The following PTBP2 variants were observed in gnomAD, a reference collection of about 807,000 sequenced individuals.
PTBP2 encodes polypyrimidine tract binding protein 2.
In PTBP2, 13 loss-of-function variants were observed where a neutral mutation model predicts 61.4. That is an observed-to-expected ratio of 0.21 (90% CI 0.14 to 0.34). The LOEUF (loss-of-function observed/expected upper bound fraction) is 0.34, where lower values mean the gene tolerates loss of function less well. Among genes scored for constraint, PTBP2 ranks in the 10% least tolerant of loss-of-function variants. PTBP2 has a pLI of 1.00. For synonymous variants in PTBP2, 215 were observed against 218.5 expected, an observed-to-expected ratio of 0.98 and a Z score of 0.14; for missense variants, 405 against 642.6, an observed-to-expected ratio of 0.63 and a Z score of 4.00.
rs537543296 is a variant in PTBP2 at position 96,803,625 on chromosome 1, CA to C, written c.905-1173del. ...AATATTAAAGAGCGCTTCAGATTGC[CA>C]ATGAAAGGTCATAGTAGTTTCTATA... On this transcript the variant is annotated intron_variant, in intron 8 of 13. Transcript: ENST00000674951. 1.6e-3 allele frequency among the ~76,000 whole-genome samples: 243 copies of C among 152,148 alleles called. 2 individuals are homozygous for C. The highest frequency in any genetic ancestry group is 2.3e-3 in the Non-Finnish European group (157 of 67,974).
chr1:96,773,856 G>A (rs1484561112), intron 5 of PTBP2, among the ~76,000 whole-genome samples: 5 of 151,250 alleles, frequency 3.3e-5, no homozygotes, highest in Non-Finnish European at 1.5e-5. Flanking sequence ...CCAGCTACTC[G>A]GGAGGCTGAG....
intron 2 of PTBP2, among the ~76,000 whole-genome samples, chr1:96,733,370 G>A (rs769933422): frequency 1.3e-5 from 2 of 152,156 alleles, no homozygotes; most frequent in Non-Finnish European, 2.9e-5. Flanking sequence ...ACTGAAACAA[G>A]TTTTAACCTA....
intron 11 of PTBP2, among the ~76,000 whole-genome samples, chr1:96,808,492 A>G (rs1201679470): frequency 1.3e-5 from 2 of 152,196 alleles, no homozygotes; most frequent in South Asian, 4.1e-4. Flanking sequence ...CTTAATGACC[A>G]CATTTAACCT....
chr1:96,726,733 A>G (rs572326545), intron 2 of PTBP2, among the ~76,000 whole-genome samples: 4 of 152,006 alleles, frequency 2.6e-5, no homozygotes, highest in Admixed American at 2.0e-4. Context: ...CACCGCGCCT[A>G]GCCAAAATGC....
intron 12 of PTBP2, 41 bp from the exon 13 acceptor site, chr1:96,812,988 A>G: frequency 6.3e-7 from 1 of 1,594,864 alleles, no homozygotes; most frequent in South Asian, 1.1e-5. Context: ...TATGAAATTT[A>G]TTCTTAATCT....
chr1:96,803,589 T>G, intron 8 of PTBP2, among the ~76,000 whole-genome samples: 1 of 152,066 alleles, frequency 6.6e-6, no homozygotes, highest in East Asian at 1.9e-4. Flanking sequence ...AAACTTAGGT[T>G]AAGGTTTGTG....
chr1:96,763,003 T>TCA (rs1377761744), intron 3 of PTBP2, among the ~76,000 whole-genome samples: 1 of 151,128 alleles, frequency 6.6e-6, no homozygotes, highest in Admixed American at 6.6e-5. Flanking sequence ...GAGACGCTCC[T>TCA]CACTTCCTAG....
chr1:96,770,595 T>A, intron 4 of PTBP2, 113 bp from the exon 5 acceptor site: 5 of 972,726 alleles, frequency 5.1e-6, no homozygotes, highest in Non-Finnish European at 6.1e-6. Context: ...CATTTAAAAG[T>A]AACCTGAAGG....
intron 3 of PTBP2, among the ~76,000 whole-genome samples, chr1:96,767,930 C>T (rs948710618): frequency 6.6e-6 from 1 of 152,094 alleles, no homozygotes; most frequent in Non-Finnish European, 1.5e-5. Context: ...CCAGAGCTTA[C>T]TCTTCTGTAC....
intron 8 of PTBP2, among the ~76,000 whole-genome samples, chr1:96,803,368 A>G (rs1053315069): frequency 5.3e-5 from 8 of 152,064 alleles, no homozygotes; most frequent in Non-Finnish European, 7.4e-5. Flanking sequence ...TATGTTGGAA[A>G]TCTTCCAAAA....
downstream of PTBP2, chr1:96,818,159 CTT>C (rs544761123): frequency 1.2e-4 from 19 of 152,216 alleles, no homozygotes; most frequent in Non-Finnish European, 2.5e-4. Flanking sequence ...CTTCCTCCCT[CTT>C]TGGCTCCCAT....
intron 2 of PTBP2, among the ~76,000 whole-genome samples, chr1:96,730,854 G>GTT (rs2100805597): frequency 6.6e-6 from 1 of 152,288 alleles, no homozygotes; most frequent in East Asian, 1.9e-4. Flanking sequence ...GGACTCATTT[G>GTT]TTTTCTAACT....
chr1:96,739,719 C>T (rs1376469653), intron 2 of PTBP2, among the ~76,000 whole-genome samples: 6 of 150,174 alleles, frequency 4.0e-5, no homozygotes, highest in African/African-American at 1.2e-4. Flanking sequence ...CTCCACCACC[C>T]GGGTTCACGC....
exon 14 of PTBP2, chr1:96,821,299 A>T (rs1662675336): frequency 6.6e-6 from 1 of 152,150 alleles, no homozygotes; most frequent in Non-Finnish European, 1.5e-5. Flanking sequence ...CAGTGTATAT[A>T]TGAGATTAAT....
rs576579887 is a variant in PTBP2 at position 96,762,056 on chromosome 1, G to A, written c.116-7647G>A. Reference sequence around the variant, plus strand: ...TGTTTCAGAGAGCACAGGGTTGGGGGTAAGGTCACAGATCAACAGGATAAG... The same window carrying A: ...TGTTTCAGAGAGCACAGGGTTGGGGATAAGGTCACAGATCAACAGGATAAG... On this transcript the variant is annotated intron_variant, in intron 3 of 13. Coordinates refer to ENST00000674951, the MANE Select transcript of PTBP2 (RefSeq NM_021190.4). Among the ~76,000 whole-genome samples, 427 of 150,850 alleles carry A rather than the reference G, an allele frequency of 2.8e-3. 1 individual carries two copies. Among genetic ancestry groups the A allele is most frequent in the African/African-American group, 9.8e-3 (403 of 40,914 alleles).
rs201223963 is a variant in PTBP2 at position 96,723,598 on chromosome 1, G to A, written c.39+4G>A. On this transcript the variant is annotated splice_donor_region_variant and intron_variant, in intron 2 of 13. Coordinates refer to ENST00000674951, the MANE Select transcript of PTBP2 (RefSeq NM_021190.4). ...TGAGGTTGCAGTTGGCGTGAAGGTA[G>A]GAAAATACTATGTTTGAAACTGGGA... 566 of 1,565,448 alleles carry A rather than the reference G, an allele frequency of 3.6e-4. No homozygotes were observed. The highest frequency in any genetic ancestry group is 1.2e-3 in the Middle Eastern group (7 of 5,844).
At chr1:96,728,281 T>C (rs976934871) in intron 2 of PTBP2, among the ~76,000 whole-genome samples, 5 of 152,224 alleles carry the variant, frequency 3.3e-5, no homozygotes, top group African/African-American at 9.6e-5. Flanking sequence ...GCCACTACAC[T>C]TGGCCACCTT....
intron 3 of PTBP2, among the ~76,000 whole-genome samples, chr1:96,755,920 T>C (rs1010264270): frequency 1.3e-5 from 2 of 152,182 alleles, no homozygotes; most frequent in Admixed American, 1.3e-4. Context: ...TATGGATGTA[T>C]GCATATGTCA....
chr1:96,722,526 G>C lies in PTBP2; in HGVS notation c.8+654G>C, dbSNP rs191359054. Among the ~76,000 whole-genome samples, 4 of 152,088 alleles carry C rather than the reference G, an allele frequency of 2.6e-5. No homozygotes were observed. The East Asian group carries it at 7.8e-4, about 30-fold the overall frequency. ...TTCATTTGAGTCTGGTAGTGGGGGC[G>C]GGAGGGAGGAAAAAATGCCTTTTTG... On this transcript the variant is annotated intron_variant, in intron 1 of 13. Transcript: ENST00000674951.
Sources: allele counts gnomAD v4.1 joint callset (sites outside exome capture counted in the v4.1 genomes callset), GRCh38; gene constraint gnomAD v4.1.1; transcripts MANE v1.5; gene names NCBI Gene and HGNC (gene_info 2026-07-23, HGNC 2026-07-21).